The following EYA2 variants were observed in gnomAD, a reference collection of about 807,000 sequenced individuals.
EYA2 encodes protein phosphatase EYA2.
Under a neutral mutation model 69.2 loss-of-function variants are expected in EYA2, and 31 were observed. The ratio of observed to expected loss-of-function variants is 0.45; its 90% CI spans 0.34 to 0.60. The LOEUF (loss-of-function observed/expected upper bound fraction) is 0.60, where lower values mean the gene tolerates loss of function less well. EYA2 is among the 20% of genes least tolerant of loss of function. The pLI, the probability that EYA2 is intolerant of heterozygous loss-of-function variation, is 0.02. For synonymous variants in EYA2, 257 were observed against 279.4 expected (o/e 0.92, Z 0.80); for missense variants, 622 against 701.2 (o/e 0.89, Z 1.28).
intron 10 of EYA2, among the ~76,000 whole-genome samples, chr20:47,153,486 C>CA (rs142104165): frequency 0.024 from 3,602 of 148,786 alleles, 133 homozygotes; most frequent in African/African-American, 0.082. Flanking sequence ...TCAAAAAATA[C>CA]AAAAAAAAAC....
intron 9 of EYA2, among the ~76,000 whole-genome samples, chr20:47,120,320 G>A (rs2033012416): frequency 6.6e-6 from 1 of 152,102 alleles, no homozygotes; most frequent in African/African-American, 2.4e-5. Context: ...AGGCTGTGGT[G>A]AGCTATGATC....
At chr20:46,988,947 C>A (rs1388808896) in intron 1 of EYA2, among the ~76,000 whole-genome samples, 1 of 152,136 alleles carries the variant, frequency 6.6e-6, no homozygotes, top group Non-Finnish European at 1.5e-5. Context: ...CTCAAGTGAT[C>A]TGCCTGCCTC....
intron 10 of EYA2, among the ~76,000 whole-genome samples, chr20:47,156,123 CACACATAT>C (rs1568814129): frequency 1.7e-4 from 4 of 23,964 alleles, no homozygotes; most frequent in Admixed American, 6.7e-4. Flanking sequence ...CACACACACA[CACACATAT>C]ATATATATAT....
chr20:47,121,972 C>T (rs1164298896), intron 9 of EYA2, among the ~76,000 whole-genome samples: 5 of 152,202 alleles, frequency 3.3e-5, no homozygotes, highest in African/African-American at 1.2e-4. Flanking sequence ...CAGGCCACAC[C>T]TGGCCCTTAA....
chr20:47,117,421 C>T, intron 9 of EYA2: 1 of 985,340 alleles, frequency 1.0e-6, no homozygotes, highest in African/African-American at 1.7e-5. Context: ...ATCCAGAGGC[C>T]AGGTCGAGAG....
chr20:46,909,461 T>C (rs1984540018), intron 1 of EYA2, among the ~76,000 whole-genome samples: 1 of 152,150 alleles, frequency 6.6e-6, no homozygotes, highest in African/African-American at 2.4e-5. Flanking sequence ...AAGCTGGGCT[T>C]AAGCAAAATC....
chr20:46,965,304 G>C (rs1189386579), intron 1 of EYA2, among the ~76,000 whole-genome samples: 1 of 152,214 alleles, frequency 6.6e-6, no homozygotes, highest in Admixed American at 6.5e-5. Flanking sequence ...AGTGTAAAAA[G>C]GGCTTTAAAC....
At chr20:46,937,211 A>G (rs1321974750) in intron 1 of EYA2, among the ~76,000 whole-genome samples, 3 of 152,200 alleles carry the variant, frequency 2.0e-5, no homozygotes, top group Non-Finnish European at 4.4e-5. Flanking sequence ...ACATGAATCT[A>G]TGGGAGGAAC....
chr20:47,148,767 C>T (rs1347638494), intron 10 of EYA2, among the ~76,000 whole-genome samples: 1 of 152,218 alleles, frequency 6.6e-6, no homozygotes, highest in Non-Finnish European at 1.5e-5. Flanking sequence ...AAAATTCAAG[C>T]ACCTGCTCAA....
At chr20:47,063,394 T>TGTGC (rs1555819563) in intron 5 of EYA2, among the ~76,000 whole-genome samples, 8 of 23,862 alleles carry the variant, frequency 3.4e-4, no homozygotes, top group Non-Finnish European at 8.9e-4. Context: ...TGCGTGTGCG[T>TGTGC]GTGTGTGTGT....
intron 9 of EYA2, among the ~76,000 whole-genome samples, chr20:47,136,699 C>T (rs1336226288): frequency 6.7e-6 from 1 of 149,874 alleles, no homozygotes; most frequent in East Asian, 2.0e-4. Flanking sequence ...GCTATGGTCA[C>T]ACCACTGCAC....
In EYA2 at chr20:47,180,899, G is replaced by T. The variant is rs2034525036; in HGVS notation, c.1398G>T (p.Val466=). Residue 466 remains valine, a synonymous_variant, in exon 14 of 16, where the codon GTG becomes GTT. Coordinates refer to ENST00000327619, the MANE Select transcript of EYA2 (RefSeq NM_005244.5). ...AKVLLYGLGS[V]FPIENIYSAT... Reference sequence around the variant, plus strand: ...TCCTGCTATATGGCCTGGGGTCTGTGTTTCCTATTGAGAACATCTACAGTG... The same window carrying T: ...TCCTGCTATATGGCCTGGGGTCTGTTTTTCCTATTGAGAACATCTACAGTG... 1 of 1,614,218 alleles carries T rather than the reference G, an allele frequency of 6.2e-7. No individual in the cohort carries two copies.
chr20:47,007,589 T>C (rs1600633928), intron 4 of EYA2, among the ~76,000 whole-genome samples: 1 of 152,120 alleles, frequency 6.6e-6, no homozygotes, highest in South Asian at 2.1e-4. Flanking sequence ...AGGATGCAAC[T>C]TAGGTGGGTT....
At position 47,025,894 on chromosome 20, in the gene EYA2, T is replaced by C. The variant is rs114053054; in HGVS notation, c.415+9597T>C. ...GTGAAGAAATGGTGTCTCAGGGCAGTAGTAATTTCTAAGTCTTGTCCCACA... is the reference window on the plus strand; with the variant it reads ...GTGAAGAAATGGTGTCTCAGGGCAGCAGTAATTTCTAAGTCTTGTCCCACA... On this transcript the variant is annotated intron_variant, in intron 5 of 15. Coordinates refer to ENST00000327619, the MANE Select transcript of EYA2 (RefSeq NM_005244.5). Among the ~76,000 whole-genome samples, 1,487 of 152,326 alleles carry C rather than the reference T, an allele frequency of 9.8e-3. 18 individuals carry two copies. The highest frequency in any genetic ancestry group is 0.032 in the African/African-American group (1,345 of 41,584).
intron 2 of EYA2, among the ~76,000 whole-genome samples, chr20:46,991,968 CAA>C (rs36163121): frequency 0.023 from 1,819 of 79,236 alleles, 33 homozygotes; most frequent in African/African-American, 0.08. Flanking sequence ...GACTCCGTCT[CAA>C]AAAAAAAAAA....
chr20:46,909,275 G>T (rs1984530273), intron 1 of EYA2, among the ~76,000 whole-genome samples: 2 of 152,056 alleles, frequency 1.3e-5, no homozygotes, highest in Non-Finnish European at 1.5e-5. Flanking sequence ...GTTTCCAATG[G>T]CTACAGACAA....
chr20:47,173,534 G>A (rs1437310436), intron 12 of EYA2, among the ~76,000 whole-genome samples: 2 of 56,102 alleles, frequency 3.6e-5, no homozygotes, highest in African/African-American at 1.1e-4. Flanking sequence ...AAAAAAAAAC[G>A]TGCAGGGTCT....
At chr20:47,116,050 C>T (rs1167011988) in intron 9 of EYA2, among the ~76,000 whole-genome samples, 1 of 152,184 alleles carries the variant, frequency 6.6e-6, no homozygotes, top group African/African-American at 2.4e-5. Context: ...CCCAATCTTT[C>T]CAAGTTGGTT....
At chr20:47,057,217 T>C (rs1226645908) in intron 5 of EYA2, among the ~76,000 whole-genome samples, 1 of 151,860 alleles carries the variant, frequency 6.6e-6, no homozygotes. Flanking sequence ...AACAAAGATG[T>C]GATGGCTGAA....
Sources: allele counts gnomAD v4.1 joint callset (sites outside exome capture counted in the v4.1 genomes callset), GRCh38; gene constraint gnomAD v4.1.1; transcripts MANE v1.5; gene names NCBI Gene and HGNC (gene_info 2026-07-23, HGNC 2026-07-21).